The following PRKN variants were observed in gnomAD, a reference collection of about 807,000 sequenced individuals.
PRKN encodes parkin RBR E3 ubiquitin protein ligase.
A neutral mutation model predicts 59.5 loss-of-function variants in PRKN; 56 were observed. That is an observed-to-expected ratio of 0.94 (90% confidence interval 0.76 to 1.18). The LOEUF is 1.18. Among genes scored for constraint, PRKN ranks in the 50% most tolerant of loss-of-function variants. PRKN has a pLI of 0.00. For synonymous variants in PRKN, 250 were observed against 222.1 expected (o/e 1.13, Z -1.12); for missense variants, 657 against 596.4 (o/e 1.10, Z -1.06).
At chr6:162,371,881 A>G (rs1389189301) in intron 2 of PRKN, among the ~76,000 whole-genome samples, 1 of 152,116 alleles carries the variant, frequency 6.6e-6, no homozygotes, top group Non-Finnish European at 1.5e-5. Flanking sequence ...TGGGATGTTG[A>G]GGCTCTTGAG....
intron 1 of PRKN, among the ~76,000 whole-genome samples, chr6:162,481,428 T>C (rs1226359737): frequency 6.6e-6 from 1 of 152,200 alleles, no homozygotes; most frequent in Non-Finnish European, 1.5e-5. Context: ...CTTTCTAAGA[T>C]TCTACCACTA....
At chr6:161,677,118 C>G (rs949533801) in intron 7 of PRKN, among the ~76,000 whole-genome samples, 3 of 152,158 alleles carry the variant, frequency 2.0e-5, no homozygotes, top group Non-Finnish European at 4.4e-5. Flanking sequence ...TTCACTAAGG[C>G]ATTTTCACCT....
chr6:161,975,237 C>G, intron 5 of PRKN, among the ~76,000 whole-genome samples: 1 of 152,012 alleles, frequency 6.6e-6, no homozygotes, highest in South Asian at 2.1e-4. Context: ...AGGTGCCCGC[C>G]ACCACGCCTG....
At position 162,484,061 on chromosome 6, in the gene PRKN, C is replaced by T. The variant is rs192392479; in HGVS notation, c.8-40588G>A. On this transcript the variant is annotated intron_variant, in intron 1 of 11. Transcript: ENST00000366898. ...GTATTAAAAAGATATATATGGTTGTCTATGCATAAAGTATGTCTAAAAAAG... is the reference window on the plus strand; with the variant it reads ...GTATTAAAAAGATATATATGGTTGTTTATGCATAAAGTATGTCTAAAAAAG... 3.5e-4 allele frequency among the ~76,000 whole-genome samples: 53 copies of T among 152,252 alleles called. 1 individual carries two copies. The highest frequency in any genetic ancestry group is 3.1e-3 in the Admixed American group (48 of 15,286).
chr6:162,198,758 C>T (rs1478427098), intron 4 of PRKN, among the ~76,000 whole-genome samples: 1 of 151,604 alleles, frequency 6.6e-6, no homozygotes, highest in African/African-American at 2.4e-5. Flanking sequence ...GTGAGCATTT[C>T]TTAGGCTCAC....
intron 9 of PRKN, among the ~76,000 whole-genome samples, chr6:161,504,305 G>A (rs189623985): frequency 1.3e-5 from 2 of 152,152 alleles, no homozygotes; most frequent in African/African-American, 2.4e-5. Context: ...GGAAGAGCCG[G>A]CAGGGATTGC....
Position 162,270,759 on chromosome 6 carries a change from C to T in PRKN, c.172-7994G>A, listed in dbSNP as rs201481678. On this transcript the variant is annotated intron_variant, in intron 2 of 11. Transcript: ENST00000366898. ...CTTTGAAGACACACTTTTAATAACA[C>T]CTTAAATTGTCCTTTTTTGTGCTGA... 16 of 152,100 alleles carry T rather than the reference C, an allele frequency of 1.1e-4. No individual in the cohort carries two copies. In the East Asian group the frequency reaches 1.4e-3, roughly 13 times the overall value. The allele number at this position is 152,100 out of a possible 1,614,324, so 9.4% of individuals were successfully genotyped here.
chr6:162,034,878 G>A (rs1014725548), intron 5 of PRKN, among the ~76,000 whole-genome samples: 4 of 152,188 alleles, frequency 2.6e-5, no homozygotes, highest in African/African-American at 9.7e-5. Context: ...AGGAATAACA[G>A]CCGAGAGCTT....
At chr6:161,804,071 T>C (rs573534184) in intron 6 of PRKN, among the ~76,000 whole-genome samples, 2 of 152,182 alleles carry the variant, frequency 1.3e-5, no homozygotes, top group African/African-American at 2.4e-5. Flanking sequence ...CGGTAACACA[T>C]AGCAAGTGCA....
intron 2 of PRKN, among the ~76,000 whole-genome samples, chr6:162,367,188 C>T (rs1461070320): frequency 6.6e-6 from 1 of 152,102 alleles, no homozygotes; most frequent in African/African-American, 2.4e-5. Context: ...GTTCTCCTTG[C>T]TGCCATCATG....
At chr6:162,409,722 T>G (rs1788258281) in intron 2 of PRKN, among the ~76,000 whole-genome samples, 1 of 152,228 alleles carries the variant, frequency 6.6e-6, no homozygotes, top group Non-Finnish European at 1.5e-5. Context: ...TTGGTTTGTT[T>G]AAACTACATC....
intron 3 of PRKN, among the ~76,000 whole-genome samples, chr6:162,235,377 G>A (rs1233001900): frequency 2.0e-5 from 3 of 152,092 alleles, no homozygotes; most frequent in Non-Finnish European, 4.4e-5. Flanking sequence ...TGAGTCTTAC[G>A]ACATGCCTCC....
chr6:161,853,179 T>A lies in PRKN; in HGVS notation c.735-67271A>T, dbSNP rs115157565. 4.7e-3 allele frequency among the ~76,000 whole-genome samples: 710 copies of A among 152,134 alleles called. 3 individuals are homozygous for A. Among genetic ancestry groups the A allele is most frequent in the African/African-American group, 0.016 (655 of 41,480 alleles). The stretch of plus-strand genomic sequence containing the variant: ...TTGATATTAATATGGCAATATGGAG[T>A]GAGATTTATGGGCTCTGATAGAATG... On this transcript the variant is annotated intron_variant, in intron 6 of 11. Coordinates refer to ENST00000366898, the MANE Select transcript of PRKN (RefSeq NM_004562.3).
At chr6:162,258,146 A>T (rs1377997510) in intron 3 of PRKN, among the ~76,000 whole-genome samples, 1 of 152,128 alleles carries the variant, frequency 6.6e-6, no homozygotes, top group Non-Finnish European at 1.5e-5. Context: ...CGGCTGCTGT[A>T]TATTACGGAA....
chr6:161,482,657 C>G (rs1364406219), intron 9 of PRKN, among the ~76,000 whole-genome samples: 3 of 152,138 alleles, frequency 2.0e-5, no homozygotes, highest in Non-Finnish European at 4.4e-5. Flanking sequence ...CGGCTAATTC[C>G]CTGCAAGCTA....
chr6:161,837,518 C>T (rs983513238), intron 6 of PRKN, among the ~76,000 whole-genome samples: 6 of 151,486 alleles, frequency 4.0e-5, no homozygotes, highest in African/African-American at 1.5e-4. Flanking sequence ...TTGGGCTGCT[C>T]TAGGACTCCA....
chr6:162,324,189 T>C (rs181885858), intron 2 of PRKN, among the ~76,000 whole-genome samples: 2 of 151,902 alleles, frequency 1.3e-5, no homozygotes, highest in African/African-American at 4.8e-5. Context: ...GAGTAAGGAG[T>C]GCATTCTATA....
At position 161,883,031 on chromosome 6, in the gene PRKN, AC is replaced by A. The variant is rs1428242237; in HGVS notation, c.734+90270del. On this transcript the variant is annotated intron_variant, in intron 6 of 11. Transcript: ENST00000366898. ...AAGAAAACAAAAAACAACAACAACA[AC>A]AAAAAAAAACCAAAAAAACTCCAGG... Among the ~76,000 whole-genome samples, 997 of 101,576 alleles carry A rather than the reference AC, an allele frequency of 9.8e-3. 10 individuals are homozygous for A. Among genetic ancestry groups the A allele is most frequent in the African/African-American group, 0.051 (950 of 18,774 alleles). 66.6% of individuals were successfully genotyped at this position (101,576 alleles called of 152,430 possible).
At chr6:162,716,388 C>G (rs183005915) in intron 1 of PRKN, among the ~76,000 whole-genome samples, 1 of 152,320 alleles carries the variant, frequency 6.6e-6, no homozygotes, top group African/African-American at 2.4e-5. Flanking sequence ...TAATTTTCAA[C>G]CAACCCATAT....
Sources: gnomAD v4.1 joint callset for allele counts (sites outside exome capture counted in the v4.1 genomes callset) on GRCh38, gnomAD v4.1.1 for gene constraint, MANE v1.5 for transcripts, NCBI Gene and HGNC (gene_info 2026-07-23, HGNC 2026-07-21) for gene names.